Variants in NMRK2 observed in about 807,000 individuals in gnomAD.
NMRK2 encodes NRK 2.
In NMRK2, 34 loss-of-function variants were observed where a neutral mutation model predicts 24.7. That is an observed-to-expected ratio of 1.37 (90% CI 1.05 to 1.83). NMRK2 has a LOEUF of 1.83. Among genes scored for constraint, NMRK2 ranks in the 40% most tolerant of loss-of-function variants. NMRK2 has a pLI of 0.00. For synonymous variants in NMRK2, 145 were observed against 125.6 expected (o/e 1.15, Z -1.03); for missense variants, 341 against 315.0 (o/e 1.08, Z -0.62).
In NMRK2 at chr19:3,941,101, C is replaced by T. The variant is rs779709567; in HGVS notation, c.426C>T (p.Pro142=). 21 of 1,610,564 alleles carry T rather than the reference C, an allele frequency of 1.3e-5. No individual in the cohort carries two copies. The highest frequency in any genetic ancestry group is 2.2e-5 in the South Asian group (2 of 91,020). Residue 142 remains proline (P), a synonymous_variant, in exon 7 of 8, where the codon CCC becomes CCT. Transcript: ENST00000168977. ...GCAACTACACAGTCCCTGATCCCCCCGGCCTCTTCGATGGCCACGTGTGGC... is the reference window on the plus strand; with the variant it reads ...GCAACTACACAGTCCCTGATCCCCCTGGCCTCTTCGATGGCCACGTGTGGC... ...STRNYTVPDP[P]GLFDGHVWPM... is the part of the protein sequence containing the mutation.
At chr19:3,937,066 G>GT (rs2039226522) in intron 3 of NMRK2, among the ~76,000 whole-genome samples, 174 bp from the exon 4 acceptor site, 2 of 152,012 alleles carry the variant, frequency 1.3e-5, no homozygotes, top group Admixed American at 1.3e-4. Context: ...GTGGGTGGGG[G>GT]TGAGGGCTAA....
chr19:3,941,159 G>A lies in NMRK2; in HGVS notation c.484G>A (p.Ala162Thr), dbSNP rs761929973. The A allele has an allele frequency of 6.4e-6, 10 of 1,567,312 alleles. No individual in the cohort carries two copies. The highest frequency in any genetic ancestry group is 8.7e-6 in the Non-Finnish European group (10 of 1,152,200). ...CCAGAAGTATAGGCAGGAGATGGAG[G>A]CCAACGGTGTGGAAGTGGGTAAGCC... is the stretch of plus-strand genomic sequence containing the variant. ...MYQKYRQEME[A>T]NGVEVVYLDG... Residue 162 changes from alanine (A) to threonine (T), a missense_variant, in exon 7 of 8, where the codon GCC becomes ACC. Physicochemically the swap from Ala to Thr is moderately conservative, Grantham distance 58. Transcript: ENST00000168977.
chr19:3,938,060 C>G (rs1235818349), intron 4 of NMRK2, among the ~76,000 whole-genome samples: 1 of 130,430 alleles, frequency 7.7e-6, no homozygotes, highest in Non-Finnish European at 1.7e-5. Flanking sequence ...ACTGTCCCCC[C>G]GGGGTCCACC....
At position 3,938,836 on chromosome 19, in the gene NMRK2, T is replaced by G. The variant is rs1306426374; in HGVS notation, c.323+77T>G. ...AGCCATCTCTTGTTTTTTTTTTTTT[T>G]TTTTTTTGTTTTGTTTTTTTTTTTT... On this transcript the variant is annotated intron_variant, in intron 5 of 7. Coordinates refer to ENST00000168977, the MANE Select transcript of NMRK2 (RefSeq NM_170678.3). 3,494 of 572,736 alleles carry G rather than the reference T, an allele frequency of 6.1e-3. 113 individuals carry two copies. The African/African-American group carries it at 0.099, about 16-fold the overall frequency. 35.5% of individuals were successfully genotyped at this position (572,736 alleles called of 1,614,324 possible).
chr19:3,934,310 T>C (rs1382412204), intron 2 of NMRK2, among the ~76,000 whole-genome samples: 1 of 152,066 alleles, frequency 6.6e-6, no homozygotes, highest in East Asian at 1.9e-4. Flanking sequence ...TCCCGCCTCG[T>C]GGCTGTCCTG....
At position 3,942,183 on chromosome 19, in the gene NMRK2, C is replaced by T; in HGVS notation, c.603C>T (p.Ser201=). The T allele has an allele frequency of 6.2e-7, 1 of 1,613,228 alleles. No homozygotes were observed. Among genetic ancestry groups the T allele is most frequent in the Admixed American group, 1.7e-5 (1 of 60,002 alleles). Residue 201 remains serine, a synonymous_variant, in exon 8 of 8, where the codon TCC becomes TCT. Transcript: ENST00000168977. The stretch of plus-strand genomic sequence containing the variant: ...ACCGCTCCCAGGAATCAGCCCCCTC[C>T]CCGGCTCGCCCAGCCAGGACACAGG... The part of the protein sequence containing the change: ...LLNRSQESAP[S]PARPARTQGP...
At chr19:3,933,823 C>T in intron 2 of NMRK2, 126 bp downstream of exon 2, 1 of 955,868 alleles carries the variant, frequency 1.0e-6, no homozygotes, top group Non-Finnish European at 1.4e-6. Flanking sequence ...CGCCCGAGGT[C>T]AGAGTGCAGG....
Position 3,942,232 on chromosome 19 carries a change from A to C in NMRK2, c.652A>C (p.Arg218=), listed in dbSNP as rs143940174. The change falls in exon 8 of 8, where the codon AGA becomes CGA. Residue 218 remains arginine, a synonymous_variant. Coordinates refer to ENST00000168977, the MANE Select transcript of NMRK2 (RefSeq NM_170678.3). ...TQGPGRGCGH[R]TARPAASQQD... is the part of the protein sequence containing the mutation. Reference sequence around the variant, plus strand: ...GGGACCCGGACGCGGATGCGGCCACAGAACGGCCAGGCCTGCAGCGTCCCA... The same window carrying C: ...GGGACCCGGACGCGGATGCGGCCACCGAACGGCCAGGCCTGCAGCGTCCCA... 1.8e-4 allele frequency: 289 copies of C among 1,612,376 alleles called. No individual in the cohort carries two copies. The African/African-American group carries it at 3.5e-3, about 20-fold the overall frequency.
At chr19:3,934,554 G>T (rs376477229) in intron 2 of NMRK2, among the ~76,000 whole-genome samples, 3,430 of 143,636 alleles carry the variant, frequency 0.024, 117 homozygotes, top group African/African-American at 0.077. Flanking sequence ...GTTTTTTGGG[G>T]TTTTTTTTTT....
chr19:3,940,167 T>C (rs952106247), intron 6 of NMRK2, among the ~76,000 whole-genome samples, 196 bp downstream of exon 6: 14 of 151,118 alleles, frequency 9.3e-5, no homozygotes, highest in African/African-American at 3.4e-4. Context: ...GCCAACATGG[T>C]GAAACCCCGT....
chr19:3,940,932 G>C (rs2039320482), intron 6 of NMRK2, 139 bp from the exon 7 acceptor site: 1 of 588,130 alleles, frequency 1.7e-6, no homozygotes, highest in Admixed American at 2.9e-5. Context: ...GGAGCCTCTA[G>C]CCCAGGGCTT....
Position 3,938,627 on chromosome 19 carries a change from C to T in NMRK2, c.191C>T (p.Ala64Val). Residue 64 changes from alanine (A) to valine (V), a missense_variant, in exon 5 of 8, where the codon GCC (alanine) becomes GTC (valine). Coordinates refer to ENST00000168977, the MANE Select transcript of NMRK2 (RefSeq NM_170678.3). Reference sequence around the variant, plus strand: ...GTGCTGGAGTCTCTGGACATGGAGGCCATGCTGGACACCGTGCAGGCCTGG... The same window carrying T: ...GTGCTGGAGTCTCTGGACATGGAGGTCATGCTGGACACCGTGCAGGCCTGG... ...WDVLESLDME[A>V]MLDTVQAWLS... 6.3e-7 allele frequency: 1 copy of T among 1,597,470 alleles called. No homozygotes were observed.
intron 7 of NMRK2, 139 bp from the exon 8 acceptor site, chr19:3,941,942 CCT>C: frequency 1.5e-6 from 1 of 655,140 alleles, no homozygotes. Context: ...CGCCCGGCCC[CCT>C]CTTGCTGTTG....
chr19:3,940,361 G>A (rs375126032), intron 6 of NMRK2, among the ~76,000 whole-genome samples: 5 of 118,552 alleles, frequency 4.2e-5, no homozygotes, highest in African/African-American at 1.1e-4. Context: ...AAAAAAAAAA[G>A]GCGGCCAGGC....
At chr19:3,934,562 TTTTG>T (rs979202477) in intron 2 of NMRK2, among the ~76,000 whole-genome samples, 43 of 148,954 alleles carry the variant, frequency 2.9e-4, no homozygotes, top group Non-Finnish European at 5.5e-4. Flanking sequence ...GGGTTTTTTT[TTTTG>T]GGGGGGGGGT....
intron 2 of NMRK2, among the ~76,000 whole-genome samples, chr19:3,935,665 G>A (rs1215794135): frequency 2.0e-5 from 3 of 151,668 alleles, no homozygotes; most frequent in African/African-American, 4.8e-5. Flanking sequence ...CTGCAGCCTC[G>A]AACTCCCAGG....
chr19:3,938,706 G>A lies in NMRK2; in HGVS notation c.270G>A (p.Glu90=), dbSNP rs751038093. 1.9e-6 allele frequency: 3 copies of A among 1,612,452 alleles called. No individual in the cohort carries two copies. The highest frequency in any genetic ancestry group is 1.7e-6 in the Non-Finnish European group (2 of 1,179,268). The change falls in exon 5 of 8, where the codon GAG becomes GAA. Residue 90 remains glutamate (E), a synonymous_variant. Transcript: ENST00000168977. ...ARAHGVSVQP[E]ASDTHILLLE... ...CCCACGGGGTCAGCGTCCAGCCAGA[G>A]GCCTCGGACACCCACATCCTCCTCC... is the stretch of plus-strand genomic sequence containing the variant.
In NMRK2 at chr19:3,938,546, C is replaced by T. The variant is rs1045516855; in HGVS notation, c.167-57C>T. 3 of 1,466,770 alleles carry T rather than the reference C, an allele frequency of 2.0e-6. No homozygotes were observed. The African/African-American group carries it at 4.3e-5, about 21-fold the overall frequency. 90.9% of individuals were successfully genotyped at this position (1,466,770 alleles called of 1,614,324 possible). ...GTCCGCCCTCCTGCAATGCCCGCTC[C>T]CCGTCCACTATCCCCCAGGGTCTGC... On this transcript the variant is annotated intron_variant, in intron 4 of 7. Transcript: ENST00000168977.
rs201205688 is a variant in NMRK2, at chr19:3,942,138, C to A, written c.558C>A (p.Asp186Glu). 8.7e-6 allele frequency: 14 copies of A among 1,613,360 alleles called. No individual in the cohort carries two copies. The African/African-American group carries it at 1.7e-4, about 20-fold the overall frequency. The change falls in exon 8 of 8, where the codon GAC (aspartate) becomes GAA (glutamate). Residue 186 changes from aspartate (D) to glutamate (E), a missense_variant. Coordinates refer to ENST00000168977, the MANE Select transcript of NMRK2 (RefSeq NM_170678.3). ...REELFREVLE[D>E]IQNSLLNRSQ... ...AGCTCTTCCGTGAAGTCCTGGAAGA[C>A]ATTCAGAACTCGCTGCTGAACCGCT...
Sources: gnomAD v4.1 joint callset for allele counts (sites outside exome capture counted in the v4.1 genomes callset) on GRCh38, gnomAD v4.1.1 for gene constraint, MANE v1.5 for transcripts, NCBI Gene and HGNC (gene_info 2026-07-23, HGNC 2026-07-21) for gene names.